The following PRKN variants were observed in gnomAD, a reference collection of about 807,000 sequenced individuals.
PRKN encodes the protein E3 ubiquitin-protein ligase parkin.
Under a neutral mutation model 59.5 loss-of-function variants are expected in PRKN, and 56 were observed. The observed-to-expected ratio is 0.94, with a 90% CI of 0.76 to 1.18. The LOEUF is 1.18. Among genes scored for constraint, PRKN ranks in the 50% most tolerant of loss-of-function variants. PRKN has a pLI of 0.00. For synonymous variants in PRKN, 250 were observed against 222.1 expected, an observed-to-expected ratio of 1.13 and a Z score of -1.12; for missense variants, 657 against 596.4, an observed-to-expected ratio of 1.10 and a Z score of -1.06.
chr6:161,691,468 T>C (rs1403756111), intron 7 of PRKN, among the ~76,000 whole-genome samples: 1 of 152,234 alleles, frequency 6.6e-6, no homozygotes, highest in Middle Eastern at 3.2e-3. Flanking sequence ...CTAACAAATA[T>C]CTAGGAAGGA....
intron 2 of PRKN, among the ~76,000 whole-genome samples, chr6:162,427,606 A>G (rs1170611112): frequency 6.6e-6 from 1 of 152,082 alleles, no homozygotes; most frequent in South Asian, 2.1e-4. Context: ...CATGCAAATT[A>G]GCAGTATTCC....
rs191857719 is a variant in PRKN at position 161,835,358 on chromosome 6, C to T, written c.735-49450G>A. 1.2e-3 allele frequency among the ~76,000 whole-genome samples: 185 copies of T among 152,160 alleles called. 3 individuals are homozygous for T. The highest frequency in any genetic ancestry group is 3.8e-4 in the Non-Finnish European group (26 of 68,004). ...AATTGGAAAACAGATTCACGCAGAA[C>T]CCCCACTCCACACCCCCTGGGAAAC... On this transcript the variant is annotated intron_variant, in intron 6 of 11. Transcript: ENST00000366898.
chr6:162,192,750 A>G (rs1229833029), intron 4 of PRKN, among the ~76,000 whole-genome samples: 1 of 152,130 alleles, frequency 6.6e-6, no homozygotes, highest in African/African-American at 2.4e-5. Context: ...ATATATACAC[A>G]TACTTTTTCA....
At chr6:162,487,689 T>C (rs1792611489) in intron 1 of PRKN, among the ~76,000 whole-genome samples, 1 of 152,162 alleles carries the variant, frequency 6.6e-6, no homozygotes, top group Non-Finnish European at 1.5e-5. Context: ...TTTTTTTAAG[T>C]GAAGAATTCA....
Position 162,404,346 on chromosome 6 carries a change from G to T in PRKN, c.171+38964C>A, listed in dbSNP as rs1174352653. ...GATCGCACGATTGCACTCCAGCCTG[G>T]GCGACAGAGTGAGACTCTGTCAGAA... On this transcript the variant is annotated intron_variant, in intron 2 of 11. Transcript: ENST00000366898. 2.0e-5 allele frequency among the ~76,000 whole-genome samples: 3 copies of T among 150,312 alleles called. No homozygotes were observed. The East Asian group carries it at 5.9e-4, about 30-fold the overall frequency.
intron 1 of PRKN, among the ~76,000 whole-genome samples, chr6:162,518,895 T>C (rs1036788173): frequency 6.6e-6 from 1 of 152,232 alleles, no homozygotes; most frequent in Non-Finnish European, 1.5e-5. Context: ...AGCACCATTG[T>C]TACTTACGTT....
At chr6:162,200,569 T>C (rs1034344074) in intron 4 of PRKN, among the ~76,000 whole-genome samples, 2 of 152,208 alleles carry the variant, frequency 1.3e-5, no homozygotes, top group South Asian at 4.1e-4. Context: ...AAACCAACTT[T>C]GCGTCAGGGG....
intron 2 of PRKN, among the ~76,000 whole-genome samples, chr6:162,354,835 A>G (rs1250395680): frequency 6.6e-6 from 1 of 152,040 alleles, no homozygotes; most frequent in East Asian, 1.9e-4. Flanking sequence ...ATTAGCTTTT[A>G]TATTTTTGAA....
chr6:162,023,179 G>A (rs1202304012), intron 5 of PRKN, among the ~76,000 whole-genome samples: 1 of 151,976 alleles, frequency 6.6e-6, no homozygotes, highest in Non-Finnish European at 1.5e-5. Context: ...GCAGTGTCTC[G>A]GGGTGACTGT....
chr6:161,695,345 G>A (rs7738640), intron 7 of PRKN, among the ~76,000 whole-genome samples: 2 of 152,148 alleles, frequency 1.3e-5, no homozygotes, highest in Non-Finnish European at 2.9e-5. Flanking sequence ...GACAGAGAAA[G>A]CAGTTTTGAT....
chr6:161,563,258 T>C (rs2115464308), intron 8 of PRKN, among the ~76,000 whole-genome samples: 1 of 152,304 alleles, frequency 6.6e-6, no homozygotes, highest in Middle Eastern at 3.4e-3. Flanking sequence ...TCATTTACTA[T>C]TTTATCCAAC....
At chr6:161,608,376 T>C (rs1782362391) in intron 7 of PRKN, among the ~76,000 whole-genome samples, 1 of 152,154 alleles carries the variant, frequency 6.6e-6, no homozygotes, top group Non-Finnish European at 1.5e-5. Flanking sequence ...GTCTGAACAA[T>C]GCTTTTAATA....
At chr6:162,573,131 T>C (rs1426644682) in intron 1 of PRKN, among the ~76,000 whole-genome samples, 1 of 152,228 alleles carries the variant, frequency 6.6e-6, no homozygotes, top group Non-Finnish European at 1.5e-5. Context: ...ATTTTTAGAA[T>C]GTCTTATATA....
rs535402638 is a variant in PRKN, at chr6:162,238,775, C to T, written c.412+23750G>A. 1.3e-3 allele frequency among the ~76,000 whole-genome samples: 199 copies of T among 152,228 alleles called. 1 individual carries two copies. The highest frequency in any genetic ancestry group is 4.3e-3 in the African/African-American group (180 of 41,560). Reference sequence around the variant, plus strand: ...AGAGTAGACTCTGAAATGTCCACTCCCCACACATTGCCCAGAGCCACTGGA... The same window carrying T: ...AGAGTAGACTCTGAAATGTCCACTCTCCACACATTGCCCAGAGCCACTGGA... On this transcript the variant is annotated intron_variant, in intron 3 of 11. Transcript: ENST00000366898.
At chr6:162,375,785 C>T (rs985655323) in intron 2 of PRKN, among the ~76,000 whole-genome samples, 4 of 140,732 alleles carry the variant, frequency 2.8e-5, no homozygotes, top group African/African-American at 1.1e-4. Flanking sequence ...CCCACTCTCT[C>T]TCTCTAGATA....
chr6:162,356,747 TAAAAAAAAAA>T (rs748212596), intron 2 of PRKN, among the ~76,000 whole-genome samples: 2 of 73,066 alleles, frequency 2.7e-5, no homozygotes, highest in Non-Finnish European at 5.5e-5. Context: ...TGATTATTAG[TAAAAAAAAAA>T]AAAAAAAAAA....
chr6:162,129,809 A>G (rs1435946635), intron 4 of PRKN, among the ~76,000 whole-genome samples: 1 of 152,184 alleles, frequency 6.6e-6, no homozygotes, highest in Non-Finnish European at 1.5e-5. Flanking sequence ...ATTATAGAGT[A>G]AATATATACA....
intron 8 of PRKN, among the ~76,000 whole-genome samples, chr6:161,557,815 C>A (rs1195746506): frequency 6.6e-6 from 1 of 152,140 alleles, no homozygotes; most frequent in Non-Finnish European, 1.5e-5. Flanking sequence ...CCTTTCAGGT[C>A]CTCCAAGCTA....
chr6:162,324,378 A>G (rs1048584110), intron 2 of PRKN, among the ~76,000 whole-genome samples: 1 of 152,130 alleles, frequency 6.6e-6, no homozygotes, highest in African/African-American at 2.4e-5. Context: ...AGGTATACAA[A>G]GACACTAAAA....
Sources: gnomAD v4.1 joint callset for allele counts (sites outside exome capture counted in the v4.1 genomes callset) on GRCh38, gnomAD v4.1.1 for gene constraint, MANE v1.5 for transcripts, NCBI Gene and HGNC (gene_info 2026-07-23, HGNC 2026-07-21) for gene names.